Variants in SLC1A7 observed in about 807,000 individuals in gnomAD.
SLC1A7 encodes the protein excitatory amino acid transporter 5.
SLC1A7 carries 40 observed loss-of-function variants against 47.7 expected under a neutral mutation model. The observed-to-expected ratio is 0.84, with a 90% CI of 0.65 to 1.09. SLC1A7 has a LOEUF of 1.09. Among genes scored for constraint, SLC1A7 ranks in the 50% least tolerant of loss-of-function variants. SLC1A7 has a pLI of 0.00. For synonymous variants in SLC1A7, 323 were observed against 325.6 expected, an observed-to-expected ratio of 0.99 and a Z score of 0.09; for missense variants, 746 against 769.5, an observed-to-expected ratio of 0.97 and a Z score of 0.36.
intron 3 of SLC1A7, among the ~76,000 whole-genome samples, chr1:53,113,869 C>T (rs985859746): frequency 6.6e-6 from 1 of 152,106 alleles, no homozygotes; most frequent in Non-Finnish European, 1.5e-5. Flanking sequence ...GCCTTCTCCC[C>T]GCAGACGGTT....
Position 53,089,947 on chromosome 1 carries a change from G to A in SLC1A7, c.1227-13C>T. ...AGTGGCTGTGATACTGCAGGGGGTG[G>A]GAAGGGGAAGAGGAGCAGCAGGAGG... On this transcript the variant is annotated splice_polypyrimidine_tract_variant and intron_variant, in intron 8 of 10. Coordinates refer to ENST00000371494, the MANE Select transcript of SLC1A7 (RefSeq NM_006671.6). The A allele has an allele frequency of 1.9e-6, 3 of 1,612,686 alleles. No individual in the cohort carries two copies. Among genetic ancestry groups the A allele is most frequent in the Non-Finnish European group, 2.5e-6 (3 of 1,179,604 alleles).
Position 53,090,751 on chromosome 1 carries a change from G to A in SLC1A7, c.1087C>T (p.Arg363Trp), listed in dbSNP as rs779070123. Reference sequence around the variant, plus strand: ...GGCAGCACGAAGCGAGCGATGCGCCGGTCGATGTGGTTGTTCTCCAGCAGG... The same window carrying A: ...GGCAGCACGAAGCGAGCGATGCGCCAGTCGATGTGGTTGTTCTCCAGCAGG... ...KCLLENNHIDRRIARFVLPVG... is the reference protein window; with the variant it reads ...KCLLENNHIDWRIARFVLPVG... The change falls in exon 8 of 11, where the codon CGG (arginine) becomes TGG (tryptophan). Residue 363 changes from arginine to tryptophan, a missense_variant. Physicochemically the swap from Arg to Trp is moderately radical, Grantham distance 101. Coordinates refer to ENST00000371494, the MANE Select transcript of SLC1A7 (RefSeq NM_006671.6). 8.7e-6 allele frequency: 14 copies of A among 1,613,522 alleles called. No homozygotes were observed. In the Admixed American group the frequency reaches 1.0e-4, roughly 12 times the overall value.
At chr1:53,092,453 C>G (rs1019300113) in intron 7 of SLC1A7, 101 bp downstream of exon 7, 5 of 841,298 alleles carry the variant, frequency 5.9e-6, no homozygotes, top group African/African-American at 1.7e-5. Context: ...GCCACACTGG[C>G]GTTTTGGTGG....
chr1:53,133,046 A>G (rs1302323400), intron 2 of SLC1A7, among the ~76,000 whole-genome samples: 1 of 152,168 alleles, frequency 6.6e-6, no homozygotes, highest in Non-Finnish European at 1.5e-5. Context: ...GTTGAGTAGA[A>G]GGAGAGAGAC....
chr1:53,114,065 A>C (rs1352852017), intron 3 of SLC1A7, among the ~76,000 whole-genome samples: 1 of 152,120 alleles, frequency 6.6e-6, no homozygotes, highest in Non-Finnish European at 1.5e-5. Flanking sequence ...CTCCAGGGCA[A>C]GGGCTGGCTC....
intron 3 of SLC1A7, chr1:53,108,181 C>T: frequency 5.0e-6 from 1 of 201,990 alleles, no homozygotes; most frequent in East Asian, 1.6e-4. Flanking sequence ...TGCATGCCTG[C>T]TCTTCCTCCA....
intron 3 of SLC1A7, among the ~76,000 whole-genome samples, chr1:53,107,008 T>C (rs1644650029): frequency 6.6e-6 from 1 of 151,694 alleles, no homozygotes; most frequent in Non-Finnish European, 1.5e-5. Context: ...ATACAAAAAT[T>C]AGCTGAGTGT....
intron 3 of SLC1A7, among the ~76,000 whole-genome samples, chr1:53,112,206 G>A (rs757876049): frequency 5.3e-5 from 8 of 152,096 alleles, no homozygotes; most frequent in African/African-American, 7.2e-5. Context: ...CTCTACCTTT[G>A]TTATTAAAAA....
At position 53,103,541 on chromosome 1, in the gene SLC1A7, T is replaced by G; in HGVS notation, c.502A>C (p.Lys168Gln). ...TCCTCTGGTGCCACCTTGGGGGACT[T>G]GACAACTGGGGTGGTCTTGGTGCGG... The part of the protein sequence containing the change: ...QYRTKTTPVV[K>Q]SPKVAPEEAP... Residue 168 changes from lysine to glutamine, a missense_variant, in exon 5 of 11, where the codon AAG (lysine) becomes CAG (glutamine). Physicochemically the swap from Lys to Gln is moderately conservative, Grantham distance 53. Transcript: ENST00000371494. The G allele has an allele frequency of 6.2e-7, 1 of 1,606,772 alleles. No individual in the cohort carries two copies.
chr1:53,093,666 C>A (rs983998073), intron 5 of SLC1A7, 106 bp from the exon 6 acceptor site: 78 of 701,004 alleles, frequency 1.1e-4, no homozygotes, highest in Non-Finnish European at 1.7e-4. Flanking sequence ...TCCAGCACTC[C>A]CCCCACTCCC....
intron 2 of SLC1A7, chr1:53,116,192 C>T (rs1644759045): frequency 6.6e-6 from 1 of 152,350 alleles, no homozygotes; most frequent in Non-Finnish European, 1.5e-5. Context: ...CTGTGAGGGC[C>T]CTGCCCTGCC....
Position 53,142,332 on chromosome 1 carries a change from G to A in SLC1A7, c.118C>T (p.Arg40Trp), listed in dbSNP as rs775697947. Residue 40 changes from arginine (R) to tryptophan (W), a missense_variant, in exon 1 of 11, where the codon CGG (arginine) becomes TGG (tryptophan). Arg to Trp is a moderately radical substitution (Grantham distance 101, BLOSUM62 -3). Coordinates refer to ENST00000371494, the MANE Select transcript of SLC1A7 (RefSeq NM_006671.6). The part of the protein sequence containing the change: ...GCLLGFFLRT[R>W]RLSPQEISYF... ...TGGCTGACCTGTGGTGAGAGGCGCC[G>A]GGTCCTCAAGAAGAAGCCGAGGAGG... 18 of 1,564,002 alleles carry A rather than the reference G, an allele frequency of 1.2e-5. No homozygotes were observed. The highest frequency in any genetic ancestry group is 8.1e-5 in the African/African-American group (6 of 73,704).
At chr1:53,132,455 G>A (rs1644951242) in intron 2 of SLC1A7, among the ~76,000 whole-genome samples, 1 of 152,162 alleles carries the variant, frequency 6.6e-6, no homozygotes, top group Non-Finnish European at 1.5e-5. Flanking sequence ...TGACAGGCCC[G>A]ATGGAAGACC....
intron 2 of SLC1A7, among the ~76,000 whole-genome samples, chr1:53,127,535 G>A (rs1319190255): frequency 1.3e-5 from 2 of 152,108 alleles, no homozygotes; most frequent in Admixed American, 6.5e-5. Context: ...AGGCCACCCC[G>A]ATGACCCAAG....
chr1:53,142,427 G>A lies in SLC1A7; in HGVS notation c.23C>T (p.Ala8Val). The change falls in exon 1 of 11, where the codon GCA becomes GTA. Residue 8 changes from alanine to valine, a missense_variant. Physicochemically the swap from Ala to Val is moderately conservative, Grantham distance 64. Coordinates refer to ENST00000371494, the MANE Select transcript of SLC1A7 (RefSeq NM_006671.6). ...CCGCCTGCACACGTCCCTCCCCCGT[G>A]CCAAGATGGCATGCGGCACCATGGT... MVPHAILARGRDVCRRNG... is the reference protein window; with the variant it reads MVPHAILVRGRDVCRRNG... The A allele has an allele frequency of 6.2e-7, 1 of 1,613,142 alleles. No individual in the cohort carries two copies. The highest frequency in any genetic ancestry group is 1.3e-5 in the African/African-American group (1 of 75,026).
chr1:53,114,537 G>C (rs542031479), intron 3 of SLC1A7: 1 of 581,320 alleles, frequency 1.7e-6, no homozygotes, highest in Non-Finnish European at 3.1e-6. Flanking sequence ...CCATCCACAG[G>C]CAGAGAGGGG....
intron 1 of SLC1A7, among the ~76,000 whole-genome samples, chr1:53,136,063 G>T (rs1209771920): frequency 9.9e-5 from 15 of 151,472 alleles, no homozygotes; most frequent in Admixed American, 9.9e-4. Flanking sequence ...AATGTTAACC[G>T]CAGCACAGGA....
At chr1:53,130,500 C>A (rs1372309031) in intron 2 of SLC1A7, among the ~76,000 whole-genome samples, 1 of 150,734 alleles carries the variant, frequency 6.6e-6, no homozygotes, top group Non-Finnish European at 1.5e-5. Context: ...CCCATCCCCC[C>A]ACTCCCCCGC....
At chr1:53,090,950 C>T (rs2150314379) in intron 7 of SLC1A7, 144 bp from the exon 8 acceptor site, 1 of 1,526,306 alleles carries the variant, frequency 6.6e-7, no homozygotes, top group Non-Finnish European at 8.8e-7. Flanking sequence ...GAGGTAAGGA[C>T]CGCGGGCACT....
Sources: allele counts gnomAD v4.1 joint callset (sites outside exome capture counted in the v4.1 genomes callset), GRCh38; gene constraint gnomAD v4.1.1; transcripts MANE v1.5; gene names NCBI Gene and HGNC (gene_info 2026-07-23, HGNC 2026-07-21).